The following SASH1 variants were observed in gnomAD, a reference collection of about 807,000 sequenced individuals.
The protein encoded by SASH1 is SAM and SH3 domain-containing protein 1.
SASH1 carries 44 observed loss-of-function variants against 125.2 expected under a neutral mutation model. The ratio of observed to expected loss-of-function variants is 0.35; its 90% CI spans 0.28 to 0.45. The LOEUF is 0.45. Among genes scored for constraint, SASH1 ranks in the 20% least tolerant of loss-of-function variants. The probability of loss-of-function intolerance (pLI) is 1.00; values close to 1 mark genes in which losing one functional copy is unlikely to be tolerated. For missense variants in SASH1, 1,426 were observed against 1,614.5 expected (o/e 0.88, Z 2.00); for synonymous variants, 639 against 649.1 (o/e 0.98, Z 0.24).
At chr6:148,497,672 A>T (rs78903433) in intron 8 of SASH1, among the ~76,000 whole-genome samples, 3,685 of 152,344 alleles carry the variant, frequency 0.024, 168 homozygotes, top group African/African-American at 0.084. Flanking sequence ...AATGGCTTAT[A>T]TTCATGTATC....
At position 148,532,219 on chromosome 6, in the gene SASH1, G is replaced by C. The variant is rs571240020; in HGVS notation, c.1564+558G>C. Among the ~76,000 whole-genome samples the C allele has an allele frequency of 6.6e-6, 1 of 152,112 alleles. No homozygotes were observed. The highest frequency in any genetic ancestry group is 2.1e-4 in the South Asian group (1 of 4,808). ...CAGCCTTCCGCATAGCTGTACTACA[G>C]GGTCATGCCACCACACCCGGCTAAT... On this transcript the variant is annotated intron_variant, in intron 13 of 19. Transcript: ENST00000367467. The surrounding 1 kb of genome is among the most constrained non-coding windows in gnomAD (Gnocchi z 4.7).
chr6:148,532,678 GC>G lies in SASH1; in HGVS notation c.1565-118del. Reference sequence around the variant, plus strand: ...GCCCTGGTCCTGACAGAGGGTTGTGGCTCAAGGCTTCCTTTCTCTGGGCCTT... The same window carrying G: ...GCCCTGGTCCTGACAGAGGGTTGTGGTCAAGGCTTCCTTTCTCTGGGCCTT... On this transcript the variant is annotated intron_variant, in intron 13 of 19. Transcript: ENST00000367467. This position sits in a 1 kb window ranked among gnomAD's most constrained non-coding sequence, Gnocchi z 4.7. 8.3e-7 allele frequency: 1 copy of G among 1,208,772 alleles called. No individual in the cohort carries two copies. The highest frequency in any genetic ancestry group is 1.4e-5 in the South Asian group (1 of 72,334). The allele number at this position is 1,208,772 out of a possible 1,614,324, so 74.9% of individuals were successfully genotyped here.
At chr6:148,244,932 A>G in the SASH1 span, among the ~76,000 whole-genome samples, 12,225 of 119,838 alleles carry the variant, frequency 0.1, 617 homozygotes, top group Non-Finnish European at 0.14. Flanking sequence ...GTGTGTGTGT[A>G]TGTGTGTGTG....
rs533992838 is a variant in SASH1, at chr6:148,514,260, C to T, written c.730-64C>T. On this transcript the variant is annotated intron_variant, in intron 8 of 19. Transcript: ENST00000367467. ...AGACTGGCAGCAAGGCCGGCTACAT[C>T]CAGCCACACGGGCAAAGCTCGGAGC... is the stretch of plus-strand genomic sequence containing the variant. 1.5e-5 allele frequency: 24 copies of T among 1,557,282 alleles called. No homozygotes were observed. The Admixed American group carries it at 4.8e-4, about 31-fold the overall frequency.
At chr6:148,387,988 T>C (rs1424140066) in intron 1 of SASH1, among the ~76,000 whole-genome samples, 1 of 137,640 alleles carries the variant, frequency 7.3e-6, no homozygotes, top group Non-Finnish European at 1.5e-5. Context: ...CAATCCTGGC[T>C]CACCGCAACC....
intron 1 of SASH1, among the ~76,000 whole-genome samples, chr6:148,302,310 TC>T (rs1779981923): frequency 9.3e-5 from 2 of 21,548 alleles, no homozygotes; most frequent in African/African-American, 3.9e-4. Context: ...AGACTCCGTC[TC>T]AAAAAAAAAA....
chr6:148,434,317 T>C (rs1776203942), intron 2 of SASH1, among the ~76,000 whole-genome samples: 1 of 151,978 alleles, frequency 6.6e-6, no homozygotes, highest in Non-Finnish European at 1.5e-5. Flanking sequence ...CCTCGTGATC[T>C]GCCTGCCTCA....
intron 4 of SASH1, among the ~76,000 whole-genome samples, chr6:148,449,078 C>CTTTTTCTTTTTTTTTTTCTTTT: frequency 4.1e-4 from 36 of 88,694 alleles, no homozygotes; most frequent in Non-Finnish European, 6.2e-4. Flanking sequence ...CATTTCATTT[C>CTTTTTCTTTTTTTTTTTCTTTT]TTTTTTTTTT....
At chr6:148,232,095 G>A in the SASH1 span, among the ~76,000 whole-genome samples, 29 of 152,110 alleles carry the variant, frequency 1.9e-4, no homozygotes, top group Non-Finnish European at 4.1e-4. Context: ...CTCTTACTCG[G>A]TATGATCTGG....
intron 6 of SASH1, among the ~76,000 whole-genome samples, chr6:148,473,695 A>T (rs1371605498): frequency 6.6e-6 from 1 of 152,142 alleles, no homozygotes; most frequent in African/African-American, 2.4e-5. Flanking sequence ...TCTCATTTGT[A>T]TTGCTAATGG....
At chr6:148,377,200 A>C (rs1255098693) in intron 1 of SASH1, among the ~76,000 whole-genome samples, 1 of 145,140 alleles carries the variant, frequency 6.9e-6, no homozygotes, top group African/African-American at 2.5e-5. Context: ...AAAAACAAAA[A>C]AAAAACAAAA....
chr6:148,416,339 G>A (rs1784814793), intron 2 of SASH1, among the ~76,000 whole-genome samples: 1 of 151,446 alleles, frequency 6.6e-6, no homozygotes, highest in Admixed American at 6.6e-5. Context: ...AGTGTCCTCT[G>A]TATCCTATTT....
chr6:148,317,200 CT>C (rs1197684744), intron 1 of SASH1, among the ~76,000 whole-genome samples: 3 of 152,304 alleles, frequency 2.0e-5, no homozygotes, highest in African/African-American at 7.2e-5. Flanking sequence ...CTAAATACTT[CT>C]CTTGGATGAA....
intron 2 of SASH1, among the ~76,000 whole-genome samples, chr6:148,395,536 G>A (rs1783916101): frequency 1.3e-5 from 2 of 152,146 alleles, no homozygotes. Context: ...GTACAGATGG[G>A]TAAAAATTCA....
chr6:148,425,027 T>C (rs536872621), intron 2 of SASH1, among the ~76,000 whole-genome samples: 1 of 152,192 alleles, frequency 6.6e-6, no homozygotes, highest in Non-Finnish European at 1.5e-5. Flanking sequence ...GTGATTCCCA[T>C]GAGCAGTACA....
the SASH1 span, among the ~76,000 whole-genome samples, chr6:148,225,464 A>AATT: frequency 6.6e-6 from 1 of 152,218 alleles, no homozygotes; most frequent in African/African-American, 2.4e-5. Context: ...AAGTAAAGTA[A>AATT]CTCAGGAATG....
intron 2 of SASH1, among the ~76,000 whole-genome samples, chr6:148,409,675 C>T: frequency 6.6e-6 from 1 of 152,180 alleles, no homozygotes; most frequent in East Asian, 1.9e-4. Flanking sequence ...GTGGCTCACG[C>T]CTGTAATCCC....
intron 2 of SASH1, among the ~76,000 whole-genome samples, chr6:148,393,220 AT>A (rs11368072): frequency 0.68 from 85,678 of 126,906 alleles, 27,871 homozygotes; most frequent in South Asian, 0.77. Context: ...CTAATTTTGT[AT>A]TTTTTTTTTT....
chr6:148,196,362 A>G, the SASH1 span, among the ~76,000 whole-genome samples: 1 of 152,234 alleles, frequency 6.6e-6, no homozygotes, highest in African/African-American at 2.4e-5. Flanking sequence ...CCCCTTGCAT[A>G]CAACCCAGTG....
Sources: allele counts gnomAD v4.1 joint callset (sites outside exome capture counted in the v4.1 genomes callset), GRCh38; gene constraint gnomAD v4.1.1; non-coding constraint Gnocchi (gnomAD v3.1); transcripts MANE v1.5; gene names NCBI Gene and HGNC (gene_info 2026-07-23, HGNC 2026-07-21).